NELL2: variants seen among roughly 807,000 people sequenced by gnomAD.
NELL2 encodes neural EGFL like 2.
NELL2 carries 41 observed loss-of-function variants against 109.6 expected under a neutral mutation model. The ratio of observed to expected loss-of-function variants is 0.37; its 90% CI spans 0.29 to 0.49. NELL2 has a LOEUF of 0.49. Ranked by LOEUF, NELL2 falls within the 20% of genes least tolerant of loss-of-function variation. The pLI, the probability that NELL2 is intolerant of heterozygous loss-of-function variation, is 0.98. For synonymous variants in NELL2, 355 were observed against 344.7 expected (o/e 1.03, Z -0.33); for missense variants, 900 against 1,008.3 (o/e 0.89, Z 1.45).
intron 15 of NELL2, among the ~76,000 whole-genome samples, chr12:44,555,283 T>C (rs1349292099): frequency 6.6e-6 from 1 of 152,158 alleles, no homozygotes; most frequent in African/African-American, 2.4e-5. Flanking sequence ...CTGAATACAG[T>C]GCTTACAGGT....
intron 13 of NELL2, among the ~76,000 whole-genome samples, chr12:44,660,428 A>G (rs529341923): frequency 6.6e-6 from 1 of 152,238 alleles, no homozygotes; most frequent in South Asian, 2.1e-4. Context: ...GAAATAAAAC[A>G]TTTCCTTAAG....
At chr12:44,712,037 A>G (rs1318781454) in intron 10 of NELL2, among the ~76,000 whole-genome samples, 2 of 152,080 alleles carry the variant, frequency 1.3e-5, no homozygotes, top group Non-Finnish European at 2.9e-5. Flanking sequence ...CCAAGGAGAA[A>G]CCAAAATACA....
intron 13 of NELL2, among the ~76,000 whole-genome samples, chr12:44,631,398 T>A (rs1257630662): frequency 1.3e-5 from 2 of 151,956 alleles, no homozygotes; most frequent in East Asian, 3.8e-4. Context: ...TATTTAGAAC[T>A]AAATGCTATA....
At chr12:44,739,864 T>A (rs922903425) in intron 9 of NELL2, among the ~76,000 whole-genome samples, 1 of 152,122 alleles carries the variant, frequency 6.6e-6, no homozygotes, top group Non-Finnish European at 1.5e-5. Context: ...CACTCCAGCA[T>A]GGGTGACACA....
At chr12:44,551,157 A>G (rs1943031876) in intron 15 of NELL2, among the ~76,000 whole-genome samples, 1 of 152,200 alleles carries the variant, frequency 6.6e-6, no homozygotes, top group African/African-American at 2.4e-5. Context: ...CATTAATTAT[A>G]TACAGCCTTT....
chr12:44,690,814 C>T (rs541942624), intron 12 of NELL2, among the ~76,000 whole-genome samples: 1 of 152,246 alleles, frequency 6.6e-6, no homozygotes, highest in Non-Finnish European at 1.5e-5. Flanking sequence ...TAAAGAGTCT[C>T]TATATTATTT....
At chr12:44,781,667 C>CA (rs1165704554) in intron 3 of NELL2, among the ~76,000 whole-genome samples, 1 of 152,028 alleles carries the variant, frequency 6.6e-6, no homozygotes, top group Non-Finnish European at 1.5e-5. Flanking sequence ...AAATCTTGCA[C>CA]ATTAAGTACA....
rs1258188716 is a variant in NELL2, at chr12:44,729,580, C to T, written c.995-14839G>A. On this transcript the variant is annotated intron_variant, in intron 9 of 19. Coordinates refer to ENST00000429094, the MANE Select transcript of NELL2 (RefSeq NM_001145108.2). ...TGAATGAATTAAAAAAAAAAAAAACCAAGAGCCAATTATATGCTGTCTACA... is the reference window on the plus strand; with the variant it reads ...TGAATGAATTAAAAAAAAAAAAAACTAAGAGCCAATTATATGCTGTCTACA... Among the ~76,000 whole-genome samples the T allele has an allele frequency of 3.3e-5, 3 of 90,366 alleles. No homozygotes were observed. The East Asian group carries it at 8.7e-4, about 26-fold the overall frequency. The allele number at this position is 90,366 out of a possible 152,430, so 59.3% of individuals were successfully genotyped here.
intron 1 of NELL2, among the ~76,000 whole-genome samples, chr12:44,919,589 T>G (rs111436867): frequency 0.014 from 2,104 of 152,208 alleles, 50 homozygotes; most frequent in African/African-American, 0.048. Context: ...GACAGAGATA[T>G]GAGCACAGAG....
chr12:44,589,878 T>C (rs10880653), intron 15 of NELL2, among the ~76,000 whole-genome samples: 33,761 of 152,088 alleles, frequency 0.22, 3,903 homozygotes, highest in South Asian at 0.33. Flanking sequence ...CAGTTAAGTA[T>C]CAAATGCATA....
chr12:44,695,895 G>T (rs1949049613), intron 12 of NELL2, among the ~76,000 whole-genome samples: 4 of 152,116 alleles, frequency 2.6e-5, no homozygotes. Context: ...GAGGTGGGGG[G>T]ATTGCTTGAG....
At chr12:44,787,772 T>A (rs985493537) in intron 3 of NELL2, among the ~76,000 whole-genome samples, 1 of 151,926 alleles carries the variant, frequency 6.6e-6, no homozygotes, top group Non-Finnish European at 1.5e-5. Context: ...AAAAAAAAAT[T>A]TTAACTTCAG....
intron 2 of NELL2, among the ~76,000 whole-genome samples, chr12:44,837,957 C>T (rs535352357): frequency 1.1e-4 from 16 of 152,236 alleles, no homozygotes; most frequent in Admixed American, 4.6e-4. Flanking sequence ...TACAAATCGC[C>T]GCAGAATAGT....
chr12:44,668,840 C>T (rs1948039109), intron 12 of NELL2, among the ~76,000 whole-genome samples: 1 of 152,120 alleles, frequency 6.6e-6, no homozygotes, highest in Non-Finnish European at 1.5e-5. Context: ...GTGCCACCAT[C>T]AGTGTCACAA....
At chr12:44,878,117 T>G (rs1945369312), upstream of NELL2, among the ~76,000 whole-genome samples, 1 of 152,170 alleles carries the variant, frequency 6.6e-6, no homozygotes, top group African/African-American at 2.4e-5. Flanking sequence ...CTAACCAACC[T>G]GTGTTCAACC....
At chr12:44,836,088 C>G (rs759363499) in intron 2 of NELL2, among the ~76,000 whole-genome samples, 5 of 152,148 alleles carry the variant, frequency 3.3e-5, no homozygotes, top group Non-Finnish European at 7.3e-5. Flanking sequence ...TGTGATCAGC[C>G]TTTTCAGAGA....
intron 9 of NELL2, among the ~76,000 whole-genome samples, chr12:44,745,720 C>T (rs1487838058): frequency 6.6e-6 from 1 of 152,092 alleles, no homozygotes; most frequent in Non-Finnish European, 1.5e-5. Flanking sequence ...GAATAAAATA[C>T]CTGGGAATCC....
chr12:44,598,635 T>C (rs1394174001), intron 15 of NELL2, among the ~76,000 whole-genome samples: 1 of 152,114 alleles, frequency 6.6e-6, no homozygotes, highest in East Asian at 1.9e-4. Flanking sequence ...TGAAAATCTT[T>C]CTACATACAC....
chr12:44,758,002 T>C lies in NELL2; in HGVS notation c.994+16745A>G, dbSNP rs140425504. 4.3e-4 allele frequency among the ~76,000 whole-genome samples: 66 copies of C among 152,074 alleles called. No homozygotes were observed. The East Asian group carries it at 7.5e-3, about 17-fold the overall frequency. On this transcript the variant is annotated intron_variant, in intron 9 of 19. Transcript: ENST00000429094. ...TTAATACTTTATCTGGTAGAACATA[T>C]TTTGTTTCATCTGGTGAAAAATTGT...
Sources: allele counts gnomAD v4.1 joint callset (sites outside exome capture counted in the v4.1 genomes callset), GRCh38; gene constraint gnomAD v4.1.1; transcripts MANE v1.5; gene names NCBI Gene and HGNC (gene_info 2026-07-23, HGNC 2026-07-21).